OPCML: variants seen among roughly 807,000 people sequenced by gnomAD.
The protein encoded by OPCML is opioid binding protein/cell adhesion molecule like, also known as opioid-binding protein/cell adhesion molecule.
In OPCML, 13 loss-of-function variants were observed where a neutral mutation model predicts 37.8. That is an observed-to-expected ratio of 0.34 (90% CI 0.22 to 0.55). OPCML has a LOEUF of 0.55. Ranked by LOEUF, OPCML falls within the 20% of genes least tolerant of loss-of-function variation. The probability of loss-of-function intolerance (pLI) is 0.91; values close to 1 mark genes in which losing one functional copy is unlikely to be tolerated. For synonymous variants in OPCML, 176 were observed against 168.8 expected (o/e 1.04, Z -0.33); for missense variants, 341 against 435.6 (o/e 0.78, Z 1.93).
At chr11:133,367,267 ACACCCAGCCGG>A (rs1944563857) in intron 1 of OPCML, among the ~76,000 whole-genome samples, 2 of 152,104 alleles carry the variant, frequency 1.3e-5, no homozygotes, top group Non-Finnish European at 2.9e-5. Flanking sequence ...GTGAGCCACC[ACACCCAGCCGG>A]AATGCAGGAG....
At chr11:133,064,902 C>T (rs1565427689) in intron 1 of OPCML, 1 of 152,160 alleles carries the variant, frequency 6.6e-6, no homozygotes, top group African/African-American at 2.4e-5. Flanking sequence ...ACCAGGTAGA[C>T]AGGACACATA....
rs770283385 is a variant in OPCML at position 133,039,949 on chromosome 11, A to AG, written c.62-96940_62-96939insC. Reference sequence around the variant, plus strand: ...GAGGCTGAGGCAGGAGAATTACTTGAACCCGGGAGGCGGAGGTTGCAGTGA... The same window carrying AG: ...GAGGCTGAGGCAGGAGAATTACTTGAGACCCGGGAGGCGGAGGTTGCAGTGA... On this transcript the variant is annotated intron_variant, in intron 1 of 7. Transcript: ENST00000524381. 1.1e-3 allele frequency among the ~76,000 whole-genome samples: 173 copies of AG among 151,948 alleles called. 1 individual carries two copies. Among genetic ancestry groups the AG allele is most frequent in the Non-Finnish European group, 2.1e-3 (143 of 67,960 alleles).
chr11:133,302,132 C>T (rs954538333), intron 1 of OPCML: 3 of 152,114 alleles, frequency 2.0e-5, no homozygotes, highest in Admixed American at 6.5e-5. Context: ...AAGATAACTG[C>T]TAAAAGCTTC....
chr11:133,426,258 T>C (rs899301111), intron 1 of OPCML, among the ~76,000 whole-genome samples: 2 of 152,178 alleles, frequency 1.3e-5, no homozygotes, highest in African/African-American at 4.8e-5. Flanking sequence ...TGACTGAATA[T>C]ACCCATCTTT....
chr11:132,464,295 C>A (rs1274635736), intron 4 of OPCML, among the ~76,000 whole-genome samples: 1 of 152,178 alleles, frequency 6.6e-6, no homozygotes, highest in Non-Finnish European at 1.5e-5. Flanking sequence ...ATATTCCCCA[C>A]CCCAGCCTCC....
intron 2 of OPCML, among the ~76,000 whole-genome samples, chr11:132,702,661 C>G (rs1327732580): frequency 4.6e-5 from 7 of 152,040 alleles, no homozygotes; most frequent in Non-Finnish European, 1.0e-4. Context: ...TTTCCCCTTT[C>G]TCTTTCTTTG....
At chr11:132,617,086 G>A (rs912774750) in intron 3 of OPCML, among the ~76,000 whole-genome samples, 1 of 152,202 alleles carries the variant, frequency 6.6e-6, no homozygotes, top group African/African-American at 2.4e-5. Context: ...GGCTGAAGTA[G>A]TCTAGTCCTA....
intron 1 of OPCML, among the ~76,000 whole-genome samples, chr11:133,294,850 T>A (rs1268817821): frequency 1.0e-4 from 14 of 138,146 alleles, no homozygotes; most frequent in Non-Finnish European, 1.7e-4. Flanking sequence ...TGAGACTGAG[T>A]TTTGCTTTTG....
At chr11:133,395,912 C>A (rs1280566639) in intron 1 of OPCML, among the ~76,000 whole-genome samples, 1 of 152,090 alleles carries the variant, frequency 6.6e-6, no homozygotes, top group East Asian at 1.9e-4. Context: ...TTTGCTATTT[C>A]TGTGGAGAAC....
At chr11:132,595,962 A>G (rs2096491810) in intron 3 of OPCML, among the ~76,000 whole-genome samples, 1 of 152,210 alleles carries the variant, frequency 6.6e-6, no homozygotes, top group Non-Finnish European at 1.5e-5. Context: ...GTATTTGGCT[A>G]CAATTTCAAT....
intron 1 of OPCML, among the ~76,000 whole-genome samples, chr11:133,442,988 T>C (rs906077416): frequency 1.3e-5 from 2 of 152,174 alleles, no homozygotes; most frequent in Non-Finnish European, 2.9e-5. Flanking sequence ...TTTGAATCTT[T>C]TTCAAGAAGA....
Position 133,325,886 on chromosome 11 carries a change from A to G in OPCML, c.61+206378T>C, listed in dbSNP as rs1229159733. Among the ~76,000 whole-genome samples, 4 of 152,230 alleles carry G rather than the reference A, an allele frequency of 2.6e-5. No individual in the cohort carries two copies. In the South Asian group the frequency reaches 6.2e-4, roughly 24 times the overall value. On this transcript the variant is annotated intron_variant, in intron 1 of 7. Coordinates refer to ENST00000524381, the MANE Select transcript of OPCML (RefSeq NM_001012393.5). ...CTCTGTTCTGGACTCCACCTCAAGCATTTTGTCCTCTTCAGTCTTTTGTGT... is the reference window on the plus strand; with the variant it reads ...CTCTGTTCTGGACTCCACCTCAAGCGTTTTGTCCTCTTCAGTCTTTTGTGT...
chr11:133,297,806 G>A (rs1446247696), intron 1 of OPCML: 1 of 152,160 alleles, frequency 6.6e-6, no homozygotes, highest in Non-Finnish European at 1.5e-5. Flanking sequence ...CTAAATCTTA[G>A]TAAAATTCCT....
At chr11:133,428,656 CA>C (rs1312846986) in intron 1 of OPCML, among the ~76,000 whole-genome samples, 1 of 151,980 alleles carries the variant, frequency 6.6e-6, no homozygotes, top group Non-Finnish European at 1.5e-5. Context: ...AGAAAATATA[CA>C]ATCACAAAAC....
At chr11:132,960,087 A>G (rs1291456259) in intron 1 of OPCML, among the ~76,000 whole-genome samples, 1 of 152,186 alleles carries the variant, frequency 6.6e-6, no homozygotes, top group Non-Finnish European at 1.5e-5. Flanking sequence ...CAGAGACAGA[A>G]TTTAAAATTT....
chr11:132,448,794 G>A lies in OPCML; in HGVS notation c.506-11435C>T, dbSNP rs573724398. Among the ~76,000 whole-genome samples the A allele has an allele frequency of 3.0e-4, 45 of 152,298 alleles. No individual in the cohort carries two copies. In the East Asian group the frequency reaches 6.0e-3, roughly 20 times the overall value. The stretch of plus-strand genomic sequence containing the variant: ...CCACTGAATTTGAGATCAGAAGACC[G>A]AGGATCTAATCCCAGTTTTGTCACA... On this transcript the variant is annotated intron_variant, in intron 4 of 7. Coordinates refer to ENST00000524381, the MANE Select transcript of OPCML (RefSeq NM_001012393.5).
chr11:133,401,146 G>C (rs1042467307), intron 1 of OPCML, among the ~76,000 whole-genome samples: 3 of 152,148 alleles, frequency 2.0e-5, no homozygotes, highest in African/African-American at 7.2e-5. Flanking sequence ...TTAAATATTA[G>C]ACAACTCAAT....
chr11:132,845,084 G>A (rs1165858492), intron 2 of OPCML, among the ~76,000 whole-genome samples: 3 of 152,050 alleles, frequency 2.0e-5, no homozygotes, highest in African/African-American at 7.2e-5. Context: ...GGTGGTGTGG[G>A]ACCAAGGTAT....
At chr11:133,110,474 C>T (rs1346428810) in intron 1 of OPCML, among the ~76,000 whole-genome samples, 1 of 152,114 alleles carries the variant, frequency 6.6e-6, no homozygotes, top group Non-Finnish European at 1.5e-5. Flanking sequence ...CACAGGCCCC[C>T]GTGCGTGATC....
Sources: allele counts gnomAD v4.1 joint callset (sites outside exome capture counted in the v4.1 genomes callset), GRCh38; gene constraint gnomAD v4.1.1; transcripts MANE v1.5; gene names NCBI Gene and HGNC (gene_info 2026-07-23, HGNC 2026-07-21).